EPB41L4A: variants seen among roughly 807,000 people sequenced by gnomAD.
EPB41L4A encodes band 4.1-like protein 4A.
A neutral mutation model predicts 108.6 loss-of-function variants in EPB41L4A; 100 were observed. The ratio of observed to expected loss-of-function variants is 0.92; its 90% CI spans 0.78 to 1.09. The LOEUF is 1.09. EPB41L4A is among the 50% of genes least tolerant of loss of function. The probability of loss-of-function intolerance (pLI) is 0.00; values close to 1 mark genes in which losing one functional copy is unlikely to be tolerated. For missense variants in EPB41L4A, 1,030 were observed against 842.7 expected (o/e 1.22, Z -2.75); for synonymous variants, 319 against 289.0 (o/e 1.10, Z -1.05).
intron 15 of EPB41L4A, among the ~76,000 whole-genome samples, chr5:112,197,419 T>C (rs960709620): frequency 1.3e-5 from 2 of 152,218 alleles, no homozygotes; most frequent in African/African-American, 2.4e-5. Context: ...GTGGTCTCTG[T>C]TCTTACATCA....
chr5:112,300,874 G>A (rs1312893979), intron 2 of EPB41L4A, among the ~76,000 whole-genome samples: 5 of 151,940 alleles, frequency 3.3e-5, no homozygotes, highest in Non-Finnish European at 7.4e-5. Flanking sequence ...GTTGGACTGG[G>A]TTAATTTGAT....
At chr5:112,159,418 C>G (rs1331507876), downstream of EPB41L4A, among the ~76,000 whole-genome samples, 1 of 152,144 alleles carries the variant, frequency 6.6e-6, no homozygotes, top group Non-Finnish European at 1.5e-5. Flanking sequence ...TTGTCCTGTC[C>G]CTTCAAGGAG....
At chr5:112,162,017 TAAG>T (rs1364711025), downstream of EPB41L4A, 1 of 152,366 alleles carries the variant, frequency 6.6e-6, no homozygotes, top group African/African-American at 2.4e-5. Flanking sequence ...TGCATCTCTT[TAAG>T]ATTTGTTTTT....
At position 112,254,060 on chromosome 5, in the gene EPB41L4A, C is replaced by T. The variant is rs1380149485; in HGVS notation, c.795+5169G>A. Among the ~76,000 whole-genome samples, 4 of 152,154 alleles carry T rather than the reference C, an allele frequency of 2.6e-5. No homozygotes were observed. The East Asian group carries it at 7.7e-4, about 29-fold the overall frequency. Reference sequence around the variant, plus strand: ...AGTTGCCAGGAACCTTTTGGTTCTACATCCTGTCACACGGGGTAACTTTAG... The same window carrying T: ...AGTTGCCAGGAACCTTTTGGTTCTATATCCTGTCACACGGGGTAACTTTAG... On this transcript the variant is annotated intron_variant, in intron 9 of 22. Coordinates refer to ENST00000261486, the MANE Select transcript of EPB41L4A (RefSeq NM_022140.5).
At chr5:112,289,692 T>C (rs1362305954) in intron 2 of EPB41L4A, among the ~76,000 whole-genome samples, 3 of 152,138 alleles carry the variant, frequency 2.0e-5, no homozygotes, top group Non-Finnish European at 2.9e-5. Context: ...CCCCAGCCAA[T>C]GCCAACATCA....
intron 18 of EPB41L4A, among the ~76,000 whole-genome samples, chr5:112,172,478 C>T (rs1760636916): frequency 6.6e-6 from 1 of 150,508 alleles, no homozygotes; most frequent in Non-Finnish European, 1.5e-5. Flanking sequence ...CACCACTGCA[C>T]TCCAGTCTGG....
At chr5:112,317,496 A>T (rs1200120153) in intron 1 of EPB41L4A, among the ~76,000 whole-genome samples, 1 of 152,220 alleles carries the variant, frequency 6.6e-6, no homozygotes, top group Admixed American at 6.5e-5. Context: ...GCTCCTTCTA[A>T]TACAGCAGTG....
chr5:112,283,365 T>C (rs879542714), intron 2 of EPB41L4A, among the ~76,000 whole-genome samples: 2 of 152,172 alleles, frequency 1.3e-5, no homozygotes, highest in Non-Finnish European at 2.9e-5. Flanking sequence ...GCCAAGATCT[T>C]GAAATGTAAA....
intron 12 of EPB41L4A, among the ~76,000 whole-genome samples, chr5:112,218,991 C>T (rs182687395): frequency 1.3e-5 from 2 of 152,232 alleles, no homozygotes; most frequent in Non-Finnish European, 2.9e-5. Context: ...AATACCATAC[C>T]GATTCGTTGT....
chr5:112,398,029 G>C (rs538628247), intron 1 of EPB41L4A, among the ~76,000 whole-genome samples: 1 of 152,160 alleles, frequency 6.6e-6, no homozygotes, highest in Non-Finnish European at 1.5e-5. Flanking sequence ...ACAATTGTAA[G>C]CTAAGCCACT....
At chr5:112,221,848 C>T (rs1256159272) in intron 12 of EPB41L4A, among the ~76,000 whole-genome samples, 2 of 152,194 alleles carry the variant, frequency 1.3e-5, no homozygotes, top group African/African-American at 2.4e-5. Context: ...GTTTGGAATG[C>T]TAAACACTCC....
intron 9 of EPB41L4A, chr5:112,257,443 TG>T (rs1412501124): frequency 7.5e-6 from 1 of 132,954 alleles, no homozygotes; most frequent in Non-Finnish European, 1.6e-5. Context: ...AGGAATGAGG[TG>T]GGGGTGGGAG....
At chr5:112,236,812 T>C (rs546485250) in intron 11 of EPB41L4A, among the ~76,000 whole-genome samples, 2 of 152,320 alleles carry the variant, frequency 1.3e-5, no homozygotes, top group African/African-American at 2.4e-5. Context: ...GGACGCTTAC[T>C]TTACTTTTGG....
chr5:112,200,129 A>C (rs1261070018), intron 15 of EPB41L4A, among the ~76,000 whole-genome samples: 1 of 152,208 alleles, frequency 6.6e-6, no homozygotes, highest in Non-Finnish European at 1.5e-5. Context: ...AGAGTCTGAT[A>C]AACACTGGCC....
At chr5:112,314,060 G>A (rs555013351) in intron 1 of EPB41L4A, among the ~76,000 whole-genome samples, 4 of 151,650 alleles carry the variant, frequency 2.6e-5, no homozygotes, top group Non-Finnish European at 5.9e-5. Flanking sequence ...GGGTTTCACC[G>A]TGTTAGCCAG....
chr5:112,326,207 G>C (rs1756149262), intron 1 of EPB41L4A, among the ~76,000 whole-genome samples: 1 of 151,996 alleles, frequency 6.6e-6, no homozygotes, highest in South Asian at 2.1e-4. Flanking sequence ...ATCTTCCACT[G>C]ACTGCCTCTC....
chr5:112,357,117 C>T (rs1263915494), intron 1 of EPB41L4A, among the ~76,000 whole-genome samples: 1 of 152,140 alleles, frequency 6.6e-6, no homozygotes, highest in African/African-American at 2.4e-5. Flanking sequence ...TGCAGCAGAT[C>T]CAATCAGTTG....
At chr5:112,301,677 C>A (rs1754370934) in intron 2 of EPB41L4A, among the ~76,000 whole-genome samples, 1 of 152,178 alleles carries the variant, frequency 6.6e-6, no homozygotes, top group Non-Finnish European at 1.5e-5. Flanking sequence ...ACTGCACGAT[C>A]CGTCCGAGTG....
chr5:112,397,831 A>G (rs1386049538), intron 1 of EPB41L4A, among the ~76,000 whole-genome samples: 1 of 152,184 alleles, frequency 6.6e-6, no homozygotes, highest in African/African-American at 2.4e-5. Flanking sequence ...GTAAATCCTC[A>G]ATCACACGGC....
Sources: allele counts gnomAD v4.1 joint callset (sites outside exome capture counted in the v4.1 genomes callset), GRCh38; gene constraint gnomAD v4.1.1; transcripts MANE v1.5; gene names NCBI Gene and HGNC (gene_info 2026-07-23, HGNC 2026-07-21).